The following KCNMA1 variants were observed in gnomAD, a reference collection of about 807,000 sequenced individuals.
KCNMA1 encodes potassium calcium-activated channel subfamily M alpha 1, also known as Calcium-activated potassium channel subunit alpha-1.
Under a neutral mutation model 140.0 loss-of-function variants are expected in KCNMA1, and 29 were observed. That is an observed-to-expected ratio of 0.21 (90% CI 0.15 to 0.28). The LOEUF (loss-of-function observed/expected upper bound fraction) is 0.28, where lower values mean the gene tolerates loss of function less well. KCNMA1 is among the 10% of genes least tolerant of loss of function. The pLI is 1.00. For synonymous variants in KCNMA1, 612 were observed against 611.9 expected, an observed-to-expected ratio of 1.00 and a Z score of 0.00; for missense variants, 880 against 1,602.2, an observed-to-expected ratio of 0.55 and a Z score of 7.70.
intron 5 of KCNMA1, among the ~76,000 whole-genome samples, chr10:77,163,461 C>A (rs531134656): frequency 6.6e-6 from 1 of 152,122 alleles, no homozygotes; most frequent in Non-Finnish European, 1.5e-5. Flanking sequence ...ACTTGGGAAC[C>A]CTTATCATTT....
intron 13 of KCNMA1, among the ~76,000 whole-genome samples, chr10:77,076,557 C>T (rs1276579024): frequency 6.6e-6 from 1 of 152,146 alleles, no homozygotes; most frequent in Non-Finnish European, 1.5e-5. Flanking sequence ...GCAGTAAGCT[C>T]TTCTGTCTCC....
intron 2 of KCNMA1, among the ~76,000 whole-genome samples, chr10:77,389,339 C>G (rs569337324): frequency 2.0e-5 from 3 of 152,160 alleles, no homozygotes; most frequent in Admixed American, 6.5e-5. Flanking sequence ...TGGGGGCCTC[C>G]GGCAGTCATT....
intron 2 of KCNMA1, among the ~76,000 whole-genome samples, chr10:77,344,075 TG>T (rs2091612948): frequency 6.6e-6 from 1 of 152,218 alleles, no homozygotes. Flanking sequence ...AGGCATCCCC[TG>T]CCCCAGCCCA....
chr10:77,418,777 C>A lies in KCNMA1; in HGVS notation c.379-14754G>T, dbSNP rs16934736. 4.8e-3 allele frequency among the ~76,000 whole-genome samples: 725 copies of A among 152,314 alleles called. 7 individuals are homozygous for A. Among genetic ancestry groups the A allele is most frequent in the East Asian group, 0.023 (121 of 5,178 alleles). On this transcript the variant is annotated intron_variant, in intron 1 of 27. Transcript: ENST00000286628. ...TAAATTGGTGAATCTACTTGCAACACACCCAGTATAAATAATTGAAGAGCT... is the reference window on the plus strand; with the variant it reads ...TAAATTGGTGAATCTACTTGCAACAAACCCAGTATAAATAATTGAAGAGCT...
intron 1 of KCNMA1, among the ~76,000 whole-genome samples, chr10:77,465,175 T>C (rs1384723504): frequency 2.0e-5 from 3 of 152,200 alleles, no homozygotes; most frequent in African/African-American, 7.2e-5. Context: ...ATGCTGAGCG[T>C]GGCAATGAGG....
At chr10:77,391,101 G>A (rs1000685739) in intron 2 of KCNMA1, among the ~76,000 whole-genome samples, 1 of 152,156 alleles carries the variant, frequency 6.6e-6, no homozygotes, top group Non-Finnish European at 1.5e-5. Flanking sequence ...ATAGTTTCTC[G>A]ATCCTTTGCG....
intron 1 of KCNMA1, among the ~76,000 whole-genome samples, chr10:77,495,233 T>C (rs1427215788): frequency 1.3e-5 from 2 of 152,192 alleles, no homozygotes; most frequent in African/African-American, 2.4e-5. Context: ...GTAGGCTCAA[T>C]GTGTGAAGGA....
chr10:77,501,481 AGGCAG>A (rs2043856507), intron 1 of KCNMA1, among the ~76,000 whole-genome samples: 1 of 152,180 alleles, frequency 6.6e-6, no homozygotes. Flanking sequence ...CTGCTGCATG[AGGCAG>A]TGTCATAAAC....
chr10:76,896,280 T>G (rs887143304), intron 25 of KCNMA1, among the ~76,000 whole-genome samples: 1 of 152,220 alleles, frequency 6.6e-6, no homozygotes, highest in Non-Finnish European at 1.5e-5. Context: ...TTCAGCAATA[T>G]TTCTCTTACC....
At chr10:77,365,019 A>G (rs1310184026) in intron 2 of KCNMA1, among the ~76,000 whole-genome samples, 1 of 152,212 alleles carries the variant, frequency 6.6e-6, no homozygotes, top group East Asian at 1.9e-4. Context: ...ACAAGGGGGA[A>G]AAGCTTTCAG....
intron 1 of KCNMA1, among the ~76,000 whole-genome samples, chr10:77,588,855 C>A (rs181423573): frequency 1.3e-5 from 2 of 152,348 alleles, no homozygotes; most frequent in East Asian, 3.9e-4. Flanking sequence ...TGAGTGCCTA[C>A]TACCAGCAAG....
At chr10:77,318,955 G>C (rs927853266) in intron 2 of KCNMA1, among the ~76,000 whole-genome samples, 1 of 152,150 alleles carries the variant, frequency 6.6e-6, no homozygotes, top group Admixed American at 6.5e-5. Context: ...TGGCACACAA[G>C]AGAAGGAGGC....
chr10:77,067,019 A>C (rs2095979142), intron 14 of KCNMA1, among the ~76,000 whole-genome samples: 1 of 152,202 alleles, frequency 6.6e-6, no homozygotes, highest in Non-Finnish European at 1.5e-5. Context: ...CCAGACAATA[A>C]GAATTGCTTG....
intron 1 of KCNMA1, among the ~76,000 whole-genome samples, chr10:77,548,139 GA>G (rs34880591): frequency 8.6e-5 from 13 of 151,816 alleles, no homozygotes; most frequent in African/African-American, 1.5e-4. Flanking sequence ...GGAAAAGGAT[GA>G]AAAAAAATGG....
intron 3 of KCNMA1, among the ~76,000 whole-genome samples, chr10:77,229,516 A>T (rs991143479): frequency 6.6e-6 from 1 of 152,204 alleles, no homozygotes; most frequent in Non-Finnish European, 1.5e-5. Context: ...AGCTTCACTC[A>T]TCTCTTCACC....
At chr10:76,907,742 T>C (rs112226720) in intron 25 of KCNMA1, among the ~76,000 whole-genome samples, 7,418 of 152,204 alleles carry the variant, frequency 0.049, 237 homozygotes, top group Middle Eastern at 0.14. Context: ...GGTTTTGCCA[T>C]GTTGCCCAGG....
At chr10:77,227,917 T>C (rs2052076978) in intron 3 of KCNMA1, among the ~76,000 whole-genome samples, 1 of 152,006 alleles carries the variant, frequency 6.6e-6, no homozygotes, top group Non-Finnish European at 1.5e-5. Flanking sequence ...AATGAGGTGA[T>C]ACTTACAAGG....
intron 14 of KCNMA1, among the ~76,000 whole-genome samples, chr10:77,059,016 G>A (rs555688201): frequency 6.6e-6 from 1 of 151,966 alleles, no homozygotes; most frequent in African/African-American, 2.4e-5. Flanking sequence ...AATCAAGAAT[G>A]AAAGAGTGGT....
chr10:77,562,298 G>T (rs1453037953), intron 1 of KCNMA1, among the ~76,000 whole-genome samples: 1 of 152,102 alleles, frequency 6.6e-6, no homozygotes, highest in Non-Finnish European at 1.5e-5. Flanking sequence ...ATTTTTTTTA[G>T]TAAGCACCTG....
Sources: allele counts gnomAD v4.1 joint callset (sites outside exome capture counted in the v4.1 genomes callset), GRCh38; gene constraint gnomAD v4.1.1; transcripts MANE v1.5; gene names NCBI Gene and HGNC (gene_info 2026-07-23, HGNC 2026-07-21).